The following SH3KBP1 variants were observed in gnomAD, a reference collection of about 807,000 sequenced individuals.
The protein encoded by SH3KBP1 is SH3 domain containing kinase binding protein 1, also known as SH3 domain-containing kinase-binding protein 1.
SH3KBP1 carries 8 observed loss-of-function variants against 50.1 expected under a neutral mutation model. The ratio of observed to expected loss-of-function variants is 0.16; its 90% CI spans 0.09 to 0.29. The LOEUF (loss-of-function observed/expected upper bound fraction) is 0.29, where lower values mean the gene tolerates loss of function less well. Among genes scored for constraint, SH3KBP1 ranks in the 10% least tolerant of loss-of-function variants. The pLI is 1.00. For synonymous variants in SH3KBP1, 227 were observed against 218.6 expected (o/e 1.04, Z -0.34); for missense variants, 377 against 535.2 (o/e 0.70, Z 2.92).
intron 6 of SH3KBP1, among the ~76,000 whole-genome samples, chrX:19,658,759 A>G (rs2062364265): frequency 9.0e-6 from 1 of 110,607 alleles, no homozygotes; most frequent in Non-Finnish European, 1.9e-5. Flanking sequence ...GGGTTTCACC[A>G]TAATGGTCAG....
At chrX:19,746,161 T>C (rs1470633522) in intron 3 of SH3KBP1, among the ~76,000 whole-genome samples, 157 bp downstream of exon 3, 1 of 113,284 alleles carries the variant, frequency 8.8e-6, no homozygotes, top group African/African-American at 3.2e-5. Flanking sequence ...ATATAGTCAC[T>C]TGCCAAGTAT....
chrX:19,766,379 G>A (rs1480443599), intron 2 of SH3KBP1, among the ~76,000 whole-genome samples: 1 of 104,092 alleles, frequency 9.6e-6, no homozygotes, highest in Admixed American at 1.1e-4. Flanking sequence ...TTGTTGAGTT[G>A]TAGGAGTTCT....
intron 6 of SH3KBP1, among the ~76,000 whole-genome samples, chrX:19,657,506 G>A (rs1030506775): frequency 1.8e-5 from 2 of 110,335 alleles, no homozygotes; most frequent in African/African-American, 6.6e-5. Context: ...GAGGTGGGTG[G>A]ATCATGAGGT....
chrX:19,733,312 T>C (rs1370203895), intron 3 of SH3KBP1, among the ~76,000 whole-genome samples: 1 of 110,482 alleles, frequency 9.1e-6, no homozygotes, highest in African/African-American at 3.3e-5. Flanking sequence ...AAGCTTGCCA[T>C]ACAATATATT....
chrX:19,545,009 T>C (rs1391721676), intron 15 of SH3KBP1, among the ~76,000 whole-genome samples: 1 of 112,358 alleles, frequency 8.9e-6, no homozygotes, highest in African/African-American at 3.2e-5. Flanking sequence ...AAAGAATGCT[T>C]TGGTTTTGTG....
chrX:19,748,780 G>A (rs1025562009), intron 2 of SH3KBP1, among the ~76,000 whole-genome samples: 4 of 110,014 alleles, frequency 3.6e-5, no homozygotes, highest in Non-Finnish European at 7.6e-5. Context: ...TCTCCAACCT[G>A]CCCCTTCTCC....
chrX:19,780,065 A>C (rs1299942757), intron 2 of SH3KBP1, among the ~76,000 whole-genome samples: 5 of 109,424 alleles, frequency 4.6e-5, no homozygotes, highest in Non-Finnish European at 9.6e-5. Flanking sequence ...CCAACAGTGT[A>C]AAAGTGTTCC....
intron 1 of SH3KBP1, among the ~76,000 whole-genome samples, chrX:19,881,654 C>G (rs2069436655): frequency 9.0e-6 from 1 of 111,128 alleles, no homozygotes; most frequent in African/African-American, 3.3e-5. Flanking sequence ...GAACAGAGAC[C>G]AAGACTGGGG....
chrX:19,712,667 G>A (rs1344496190), intron 3 of SH3KBP1, among the ~76,000 whole-genome samples: 1 of 111,135 alleles, frequency 9.0e-6, no homozygotes, highest in Non-Finnish European at 1.9e-5. Flanking sequence ...TCTCCCCACA[G>A]TTACAAAAGG....
intron 6 of SH3KBP1, among the ~76,000 whole-genome samples, chrX:19,676,969 T>C (rs1379471835): frequency 8.9e-6 from 1 of 112,464 alleles, no homozygotes; most frequent in Non-Finnish European, 1.9e-5. Flanking sequence ...GGAAAGAAGC[T>C]TCTTGAAAGA....
At chrX:19,866,952 C>T (rs2068925985) in intron 1 of SH3KBP1, among the ~76,000 whole-genome samples, 2 of 110,304 alleles carry the variant, frequency 1.8e-5, no homozygotes, top group Admixed American at 9.6e-5. Flanking sequence ...CTTTCTCGGT[C>T]GCCTCAACCA....
intron 1 of SH3KBP1, among the ~76,000 whole-genome samples, chrX:19,886,725 G>C (rs971511007): frequency 1.2e-4 from 13 of 110,930 alleles, no homozygotes; most frequent in South Asian, 3.8e-4. Flanking sequence ...CGGGAGGAAG[G>C]GGGGCGCAAG....
At chrX:19,738,694 CAAAAA>C (rs1193680181) in intron 3 of SH3KBP1, among the ~76,000 whole-genome samples, 171 of 37,164 alleles carry the variant, frequency 4.6e-3, no homozygotes, top group African/African-American at 0.014. Context: ...GTCAGCAATG[CAAAAA>C]AAAAAAAAAA....
At chrX:19,835,630 G>A (rs1166103605) in intron 2 of SH3KBP1, among the ~76,000 whole-genome samples, 32 of 106,363 alleles carry the variant, frequency 3.0e-4, no homozygotes, top group Non-Finnish European at 6.0e-4. Context: ...CCAGGCTGGA[G>A]TGCAGTGGCG....
intron 13 of SH3KBP1, among the ~76,000 whole-genome samples, chrX:19,557,313 A>G (rs1297223413): frequency 8.9e-6 from 1 of 112,477 alleles, no homozygotes; most frequent in Non-Finnish European, 1.9e-5. Flanking sequence ...GTAATGTGTT[A>G]GGCAAGTTAA....
intron 1 of SH3KBP1, among the ~76,000 whole-genome samples, chrX:19,853,531 C>T (rs1333707820): frequency 9.0e-6 from 1 of 111,140 alleles, no homozygotes; most frequent in Non-Finnish European, 1.9e-5. Flanking sequence ...GGGAGCTTTG[C>T]AGACCCAGAA....
intron 2 of SH3KBP1, among the ~76,000 whole-genome samples, chrX:19,785,623 T>C (rs886251303): frequency 8.9e-6 from 1 of 112,046 alleles, no homozygotes; most frequent in Non-Finnish European, 1.9e-5. Flanking sequence ...CATGAAATTA[T>C]TATGAGCCAT....
intron 4 of SH3KBP1, among the ~76,000 whole-genome samples, chrX:19,704,557 G>T (rs1320967310): frequency 8.9e-6 from 1 of 112,318 alleles, no homozygotes; most frequent in Non-Finnish European, 1.9e-5. Context: ...CCTAGTGTAT[G>T]CAATTTTGTG....
intron 2 of SH3KBP1, among the ~76,000 whole-genome samples, chrX:19,766,447 A>G (rs1165322210): frequency 3.0e-5 from 2 of 66,365 alleles, no homozygotes; most frequent in Non-Finnish European, 5.7e-5. Flanking sequence ...TATTTTCTCC[A>G]TTGTTCAGAT....
Sources: allele counts gnomAD v4.1 joint callset (sites outside exome capture counted in the v4.1 genomes callset), GRCh38; gene constraint gnomAD v4.1.1; transcripts MANE v1.5; gene names NCBI Gene and HGNC (gene_info 2026-07-23, HGNC 2026-07-21).